The following THSD7B variants were observed in gnomAD, a reference collection of about 807,000 sequenced individuals.
The protein encoded by THSD7B is thrombospondin type-1 domain-containing protein 7B.
A neutral mutation model predicts 213.6 loss-of-function variants in THSD7B; 138 were observed. The observed-to-expected ratio is 0.65, with a 90% confidence interval of 0.56 to 0.74. THSD7B has a LOEUF of 0.74. Among genes scored for constraint, THSD7B ranks in the 30% least tolerant of loss-of-function variants. THSD7B has a pLI of 0.00. For synonymous variants in THSD7B, 742 were observed against 687.0 expected, an observed-to-expected ratio of 1.08 and a Z score of -1.25; for missense variants, 1,931 against 1,991.5, an observed-to-expected ratio of 0.97 and a Z score of 0.58.
intron 13 of THSD7B, among the ~76,000 whole-genome samples, chr2:137,410,275 T>C (rs1686623184): frequency 1.3e-5 from 2 of 152,064 alleles, no homozygotes; most frequent in South Asian, 4.1e-4. Context: ...ATTCTTTTTT[T>C]TTTTCTTTTT....
chr2:136,782,260 G>A (rs1032131287), intron 1 of THSD7B, among the ~76,000 whole-genome samples: 19 of 152,116 alleles, frequency 1.2e-4, no homozygotes, highest in Admixed American at 1.0e-3. Flanking sequence ...CTTCTGCTGC[G>A]TTTGTGTATT....
chr2:137,165,919 G>A (rs1052064943), intron 6 of THSD7B, among the ~76,000 whole-genome samples: 1 of 152,008 alleles, frequency 6.6e-6, no homozygotes, highest in Non-Finnish European at 1.5e-5. Flanking sequence ...TAGTCATCGT[G>A]TTATTGCTCT....
intron 2 of THSD7B, among the ~76,000 whole-genome samples, chr2:137,043,720 A>G (rs1336987883): frequency 4.6e-5 from 7 of 152,094 alleles, no homozygotes; most frequent in Admixed American, 4.6e-4. Flanking sequence ...GTTTTGCTCT[A>G]TTACACCTCT....
chr2:137,039,917 G>A (rs1686849637), intron 2 of THSD7B, among the ~76,000 whole-genome samples: 1 of 152,152 alleles, frequency 6.6e-6, no homozygotes, highest in Non-Finnish European at 1.5e-5. Flanking sequence ...TTGTGTTTCT[G>A]TCCACATGCT....
At position 137,287,650 on chromosome 2, in the gene THSD7B, A is replaced by G. The variant is rs77680128; in HGVS notation, c.2500+11624A>G. On this transcript the variant is annotated intron_variant, in intron 12 of 27. Transcript: ENST00000409968. ...AGATTCAGAGATGCTGTCCTGTGCC[A>G]GCCTCCCATTTTTAACATAATAAGC... is the stretch of plus-strand genomic sequence containing the variant. 6.6e-3 allele frequency among the ~76,000 whole-genome samples: 1,007 copies of G among 152,288 alleles called. 13 individuals carry two copies. Among genetic ancestry groups the G allele is most frequent in the African/African-American group, 0.024 (980 of 41,574 alleles).
intron 2 of THSD7B, among the ~76,000 whole-genome samples, chr2:137,017,548 A>G (rs1686364922): frequency 6.6e-6 from 1 of 152,222 alleles, no homozygotes. Flanking sequence ...TGTGTGTCAC[A>G]GGGATGATAT....
chr2:137,334,071 T>A (rs147457462), intron 12 of THSD7B, among the ~76,000 whole-genome samples: 55 of 152,374 alleles, frequency 3.6e-4, no homozygotes, highest in African/African-American at 1.1e-3. Flanking sequence ...TAGACATGTA[T>A]GTGTGTTTGC....
chr2:136,833,385 AAG>A (rs1553451731), intron 1 of THSD7B, among the ~76,000 whole-genome samples: 1 of 136,360 alleles, frequency 7.3e-6, no homozygotes, highest in African/African-American at 3.0e-5. Context: ...AAAAAAAAAA[AAG>A]AGAGAGAGAG....
At chr2:137,632,143 ACT>A (rs1682753401) in intron 20 of THSD7B, among the ~76,000 whole-genome samples, 2 of 152,040 alleles carry the variant, frequency 1.3e-5, no homozygotes, top group Admixed American at 1.3e-4. Context: ...TACATCTGAC[ACT>A]CTGTATCACC....
At chr2:137,478,912 T>C (rs933774973) in intron 15 of THSD7B, among the ~76,000 whole-genome samples, 22 of 152,352 alleles carry the variant, frequency 1.4e-4, no homozygotes, top group African/African-American at 5.1e-4. Context: ...GTGACAGGGA[T>C]GTCAAGTAGG....
intron 12 of THSD7B, among the ~76,000 whole-genome samples, chr2:137,390,435 A>G (rs1457668399): frequency 6.6e-6 from 1 of 152,150 alleles, no homozygotes; most frequent in Non-Finnish European, 1.5e-5. Context: ...AGTTTTTTAA[A>G]TGGAATCTTT....
chr2:136,828,384 C>T (rs184086213), intron 1 of THSD7B, among the ~76,000 whole-genome samples: 2 of 152,282 alleles, frequency 1.3e-5, no homozygotes, highest in East Asian at 3.9e-4. Context: ...TCTTGACTCT[C>T]TCCCTCCCCA....
At chr2:137,182,678 C>T (rs1362052685) in intron 7 of THSD7B, among the ~76,000 whole-genome samples, 6 of 152,138 alleles carry the variant, frequency 3.9e-5, no homozygotes, top group Admixed American at 1.3e-4. Context: ...AGGTTGAGTG[C>T]ACCCTGAAAA....
chr2:137,163,393 C>A (rs1680056568), intron 6 of THSD7B, among the ~76,000 whole-genome samples: 1 of 152,134 alleles, frequency 6.6e-6, no homozygotes, highest in African/African-American at 2.4e-5. Flanking sequence ...ATTCCAGTGA[C>A]TGGTGTTCTT....
intron 10 of THSD7B, among the ~76,000 whole-genome samples, chr2:137,271,436 A>G (rs1451744133): frequency 7.4e-6 from 1 of 135,336 alleles, no homozygotes; most frequent in Non-Finnish European, 1.6e-5. Context: ...TATAATATAT[A>G]TAATATAATA....
At chr2:137,110,185 A>G (rs1229435013) in intron 4 of THSD7B, among the ~76,000 whole-genome samples, 1 of 152,080 alleles carries the variant, frequency 6.6e-6, no homozygotes, top group Non-Finnish European at 1.5e-5. Context: ...ATGTCTGTCT[A>G]TCCCACCAGA....
At chr2:137,397,272 C>A (rs1190591063) in intron 12 of THSD7B, among the ~76,000 whole-genome samples, 1 of 152,144 alleles carries the variant, frequency 6.6e-6, no homozygotes, top group Non-Finnish European at 1.5e-5. Flanking sequence ...ATGTTCTTTA[C>A]ATTTGGGCAT....
intron 5 of THSD7B, among the ~76,000 whole-genome samples, chr2:137,116,179 G>A (rs994754253): frequency 6.6e-6 from 1 of 152,110 alleles, no homozygotes; most frequent in African/African-American, 2.4e-5. Context: ...AGAGTTCATA[G>A]GCATCTGTGA....
chr2:137,505,497 G>T (rs564116063), intron 15 of THSD7B, among the ~76,000 whole-genome samples: 1 of 152,138 alleles, frequency 6.6e-6, no homozygotes, highest in Non-Finnish European at 1.5e-5. Flanking sequence ...GCCCAGTTCC[G>T]CAGAGCTTTT....
Sources: gnomAD v4.1 joint callset for allele counts (sites outside exome capture counted in the v4.1 genomes callset) on GRCh38, gnomAD v4.1.1 for gene constraint, MANE v1.5 for transcripts, NCBI Gene and HGNC (gene_info 2026-07-23, HGNC 2026-07-21) for gene names.